CUBN: variants seen among roughly 807,000 people sequenced by gnomAD.
CUBN encodes the protein cubilin, also known as 460 kDa receptor.
CUBN carries 282 observed loss-of-function variants against 405.3 expected under a neutral mutation model. The ratio of observed to expected loss-of-function variants is 0.70; its 90% confidence interval spans 0.63 to 0.77. CUBN has a LOEUF of 0.77. Among genes scored for constraint, CUBN ranks in the 30% least tolerant of loss-of-function variants. The pLI is 0.00. For missense variants in CUBN, 4,514 were observed against 4,475.2 expected, an observed-to-expected ratio of 1.01 and a Z score of -0.25; for synonymous variants, 1,684 against 1,617.0, an observed-to-expected ratio of 1.04 and a Z score of -0.99.
At chr10:17,030,563 A>G (rs1309162911) in intron 27 of CUBN, among the ~76,000 whole-genome samples, 1 of 152,140 alleles carries the variant, frequency 6.6e-6, no homozygotes, top group Non-Finnish European at 1.5e-5. Flanking sequence ...ATATTTTGAA[A>G]GGCATCAACT....
At chr10:16,999,934 A>G (rs1166038941) in intron 28 of CUBN, among the ~76,000 whole-genome samples, 1 of 152,130 alleles carries the variant, frequency 6.6e-6, no homozygotes, top group Non-Finnish European at 1.5e-5. Context: ...AGAAATGGAC[A>G]CAGGTGGGCA....
At chr10:16,895,584 T>C (rs1841159048) in intron 54 of CUBN, among the ~76,000 whole-genome samples, 1 of 152,220 alleles carries the variant, frequency 6.6e-6, no homozygotes, top group Non-Finnish European at 1.5e-5. Flanking sequence ...GTTTGGTGCA[T>C]ACACATTTAG....
chr10:17,014,905 G>A (rs1834286239), intron 28 of CUBN, among the ~76,000 whole-genome samples: 1 of 152,170 alleles, frequency 6.6e-6, no homozygotes, highest in Admixed American at 6.5e-5. Context: ...CAGAGTGCAG[G>A]AGAATACAGA....
At chr10:17,091,287 TC>T (rs1258015887) in intron 14 of CUBN, among the ~76,000 whole-genome samples, 1 of 151,892 alleles carries the variant, frequency 6.6e-6, no homozygotes, top group African/African-American at 2.4e-5. Context: ...TTAAAGCACA[TC>T]AAATGTGATA....
intron 60 of CUBN, among the ~76,000 whole-genome samples, chr10:16,849,983 C>G (rs565069154): frequency 6.6e-6 from 1 of 152,344 alleles, no homozygotes; most frequent in Non-Finnish European, 1.5e-5. Context: ...TTTCTTGCTA[C>G]TCTTTAGCAC....
intron 3 of CUBN, among the ~76,000 whole-genome samples, chr10:17,127,331 T>C (rs1837222027): frequency 6.8e-6 from 1 of 146,502 alleles, no homozygotes; most frequent in Non-Finnish European, 1.5e-5. Flanking sequence ...AGTGGCATGA[T>C]CATAGCTCAC....
chr10:17,110,538 A>AT (rs1758457142), intron 9 of CUBN, among the ~76,000 whole-genome samples: 1 of 151,824 alleles, frequency 6.6e-6, no homozygotes. Context: ...TTTATTTTTT[A>AT]TTTTTTTAAG....
intron 48 of CUBN, among the ~76,000 whole-genome samples, chr10:16,908,508 A>C (rs555511745): frequency 6.6e-6 from 1 of 152,254 alleles, no homozygotes; most frequent in African/African-American, 2.4e-5. Flanking sequence ...GCAATTAAAC[A>C]TAATAGTTCT....
chr10:16,912,700 G>T (rs7084914), intron 48 of CUBN, among the ~76,000 whole-genome samples: 1 of 152,106 alleles, frequency 6.6e-6, no homozygotes, highest in African/African-American at 2.4e-5. Flanking sequence ...TTCAGGGAAC[G>T]GAATGGAGGC....
At chr10:17,098,058 C>T (rs1836413041) in intron 14 of CUBN, among the ~76,000 whole-genome samples, 1 of 152,150 alleles carries the variant, frequency 6.6e-6, no homozygotes, top group Non-Finnish European at 1.5e-5. Context: ...GTAATGCTTG[C>T]TCTGAGAGAA....
rs982337029 is a variant in CUBN, at chr10:17,000,318, T to C, written c.4169-9803A>G. ...CGGTGGATTCCATCAGCAACATATATAGCAGCTCCAGAACAGCACTTTATA... is the reference window on the plus strand; with the variant it reads ...CGGTGGATTCCATCAGCAACATATACAGCAGCTCCAGAACAGCACTTTATA... On this transcript the variant is annotated intron_variant, in intron 28 of 66. Transcript: ENST00000377833. Among the ~76,000 whole-genome samples the C allele has an allele frequency of 5.6e-5, 8 of 143,846 alleles. No homozygotes were observed. In the Admixed American group the frequency reaches 5.6e-4, roughly 10 times the overall value. The allele number at this position is 143,846 out of a possible 152,430, so 94.4% of individuals were successfully genotyped here.
intron 66 of CUBN, 32 bp downstream of exon 66, chr10:16,828,773 A>G: frequency 6.6e-7 from 1 of 1,504,800 alleles, no homozygotes; most frequent in Non-Finnish European, 9.3e-7. Flanking sequence ...TAAAAATAAC[A>G]AATGGGAATA....
chr10:17,068,920 C>A, intron 19 of CUBN, 150 bp from the exon 20 acceptor site: 1 of 680,214 alleles, frequency 1.5e-6, no homozygotes, highest in Non-Finnish European at 2.5e-6. Flanking sequence ...CCCCAAAAAA[C>A]ACTCATATCC....
At chr10:17,023,570 T>G (rs1211837330) in intron 27 of CUBN, 1 of 455,674 alleles carries the variant, frequency 2.2e-6, no homozygotes, top group Non-Finnish European at 4.4e-6. Flanking sequence ...TGGAAAGCCG[T>G]CTCACTGATT....
chr10:16,865,454 G>A (rs1257545265), intron 59 of CUBN, among the ~76,000 whole-genome samples: 1 of 151,998 alleles, frequency 6.6e-6, no homozygotes, highest in Non-Finnish European at 1.5e-5. Flanking sequence ...CTCGTCATCA[G>A]CATGTGTGCT....
chr10:16,833,033 G>A (rs940627336), intron 64 of CUBN, among the ~76,000 whole-genome samples: 7 of 152,170 alleles, frequency 4.6e-5, no homozygotes. Flanking sequence ...GGACAGCTAG[G>A]AGGAGGAATT....
At chr10:17,103,352 A>G in intron 12 of CUBN, 115 bp from the exon 13 acceptor site, 1 of 717,066 alleles carries the variant, frequency 1.4e-6, no homozygotes, top group Non-Finnish European at 2.5e-6. Context: ...AAGGTTGGAG[A>G]TAAAAGCCCT....
At chr10:17,015,088 T>C (rs1004404270) in intron 28 of CUBN, among the ~76,000 whole-genome samples, 2 of 152,184 alleles carry the variant, frequency 1.3e-5, no homozygotes, top group Admixed American at 6.5e-5. Context: ...CTCCTAGAAT[T>C]GGGGTGTTGC....
At chr10:16,880,964 T>C (rs553073005) in intron 56 of CUBN, among the ~76,000 whole-genome samples, 15 of 152,208 alleles carry the variant, frequency 9.9e-5, no homozygotes, top group Non-Finnish European at 2.1e-4. Context: ...AGAAATAAGT[T>C]AAACTCAGAT....
Sources: gnomAD v4.1 joint callset for allele counts (sites outside exome capture counted in the v4.1 genomes callset) on GRCh38, gnomAD v4.1.1 for gene constraint, MANE v1.5 for transcripts, NCBI Gene and HGNC (gene_info 2026-07-23, HGNC 2026-07-21) for gene names.